TAFA1: variants seen among roughly 807,000 people sequenced by gnomAD.
The protein encoded by TAFA1 is chemokine-like protein TAFA-1.
TAFA1 carries 4 observed loss-of-function variants against 18.5 expected under a neutral mutation model. That is an observed-to-expected ratio of 0.22 (90% confidence interval 0.11 to 0.49). TAFA1 has a LOEUF of 0.49. Among genes scored for constraint, TAFA1 ranks in the 20% least tolerant of loss-of-function variants. TAFA1 has a pLI of 0.98. For synonymous variants in TAFA1, 56 were observed against 55.2 expected (o/e 1.01, Z -0.06); for missense variants, 147 against 169.0 (o/e 0.87, Z 0.72).
intron 2 of TAFA1, among the ~76,000 whole-genome samples, chr3:68,298,905 T>C (rs774694831): frequency 1.3e-5 from 2 of 152,126 alleles, no homozygotes; most frequent in Non-Finnish European, 2.9e-5. Flanking sequence ...ACCTAGGTAG[T>C]GGGGAAGTGC....
upstream of TAFA1, among the ~76,000 whole-genome samples, chr3:68,001,805 A>C (rs1358992074): frequency 2.0e-5 from 3 of 152,192 alleles, no homozygotes; most frequent in African/African-American, 7.2e-5. Context: ...CCTAAGTTGC[A>C]ATTGCTTAAA....
intron 2 of TAFA1, among the ~76,000 whole-genome samples, chr3:68,367,057 G>A (rs1234267559): frequency 6.6e-6 from 1 of 152,174 alleles, no homozygotes. Context: ...TCTTATTTAA[G>A]ATCATTATAA....
intron 3 of TAFA1, among the ~76,000 whole-genome samples, chr3:68,473,271 G>A (rs2072035085): frequency 6.6e-6 from 1 of 152,146 alleles, no homozygotes; most frequent in Non-Finnish European, 1.5e-5. Context: ...ATGAGGAATA[G>A]GATTCTAGGA....
At chr3:68,087,430 A>C (rs2064983553) in intron 2 of TAFA1, among the ~76,000 whole-genome samples, 1 of 152,170 alleles carries the variant, frequency 6.6e-6, no homozygotes, top group South Asian at 2.1e-4. Flanking sequence ...TTAACACAAA[A>C]ATATATAAAA....
At chr3:68,080,305 C>T (rs1160485387) in intron 2 of TAFA1, among the ~76,000 whole-genome samples, 1 of 152,016 alleles carries the variant, frequency 6.6e-6, no homozygotes, top group Admixed American at 6.6e-5. Context: ...AGCATTTAGT[C>T]CATTTACATT....
chr3:68,521,856 GTTTTTTTTTTTTT>G (rs57372768), intron 3 of TAFA1, among the ~76,000 whole-genome samples: 1 of 70,848 alleles, frequency 1.4e-5, no homozygotes, highest in Non-Finnish European at 2.4e-5. Flanking sequence ...GTTTTTTTCT[GTTTTTTTTTTTTT>G]TTTTTTTGGA....
intron 2 of TAFA1, among the ~76,000 whole-genome samples, chr3:68,218,407 A>T (rs6549062): frequency 0.69 from 104,407 of 151,914 alleles, 36,044 homozygotes; most frequent in Middle Eastern, 0.82. Context: ...ATTCTTATTC[A>T]TGATAATCCA....
At chr3:68,447,061 G>T (rs1157260885) in intron 3 of TAFA1, among the ~76,000 whole-genome samples, 1 of 152,128 alleles carries the variant, frequency 6.6e-6, no homozygotes, top group Non-Finnish European at 1.5e-5. Context: ...ATTTGGAAAA[G>T]ATATTTTTAA....
intron 2 of TAFA1, among the ~76,000 whole-genome samples, chr3:68,380,375 G>A (rs1015206325): frequency 6.6e-6 from 1 of 152,128 alleles, no homozygotes; most frequent in Non-Finnish European, 1.5e-5. Context: ...CTAGTTTACA[G>A]TCCCACCAAC....
In TAFA1 at chr3:68,087,295, A is replaced by G. The variant is rs2064982008; in HGVS notation, c.118+80551A>G. ...GTTTTTTGTTGGTGGTGGTAGTGAAAGAAGATAATTACTATCAATATTTTC... is the reference window on the plus strand; with the variant it reads ...GTTTTTTGTTGGTGGTGGTAGTGAAGGAAGATAATTACTATCAATATTTTC... On this transcript the variant is annotated intron_variant, in intron 2 of 4. Coordinates refer to ENST00000478136, the MANE Select transcript of TAFA1 (RefSeq NM_213609.4). Among the ~76,000 whole-genome samples, 3 of 152,182 alleles carry G rather than the reference A, an allele frequency of 2.0e-5. No individual in the cohort carries two copies. In the South Asian group the frequency reaches 6.2e-4, roughly 32 times the overall value.
chr3:68,025,769 G>T (rs1704801240), intron 2 of TAFA1, among the ~76,000 whole-genome samples: 1 of 152,130 alleles, frequency 6.6e-6, no homozygotes, highest in South Asian at 2.1e-4. Flanking sequence ...TATCTGCTCA[G>T]ATATCACCTC....
intron 3 of TAFA1, among the ~76,000 whole-genome samples, chr3:68,469,666 C>G (rs764202239): frequency 6.6e-6 from 1 of 152,158 alleles, no homozygotes; most frequent in Non-Finnish European, 1.5e-5. Context: ...GAGTGAGACT[C>G]TGTCTCAAAA....
At chr3:68,256,477 A>G (rs2067299372) in intron 2 of TAFA1, among the ~76,000 whole-genome samples, 1 of 152,276 alleles carries the variant, frequency 6.6e-6, no homozygotes, top group African/African-American at 2.4e-5. Flanking sequence ...CTATCTCCAC[A>G]TATTGTAGTA....
intron 2 of TAFA1, among the ~76,000 whole-genome samples, chr3:68,156,488 C>T (rs1310398026): frequency 6.6e-6 from 1 of 152,152 alleles, no homozygotes; most frequent in Admixed American, 6.5e-5. Flanking sequence ...TTTGCTAGGC[C>T]TCAGTTTCCT....
intron 2 of TAFA1, among the ~76,000 whole-genome samples, chr3:68,295,261 G>A (rs1013741912): frequency 1.3e-5 from 2 of 152,138 alleles, no homozygotes; most frequent in Non-Finnish European, 2.9e-5. Context: ...GAGGCAGAAG[G>A]AAATCATCTC....
intron 2 of TAFA1, among the ~76,000 whole-genome samples, chr3:68,135,870 G>A (rs1403696955): frequency 1.3e-5 from 2 of 152,112 alleles, no homozygotes; most frequent in South Asian, 2.1e-4. Context: ...CATATTTGGG[G>A]GGAGGTGAAT....
At chr3:68,282,087 G>T (rs890311443) in intron 2 of TAFA1, among the ~76,000 whole-genome samples, 9 of 152,122 alleles carry the variant, frequency 5.9e-5, no homozygotes, top group Admixed American at 3.3e-4. Flanking sequence ...AGGGAGAAAG[G>T]CCCCTTATGA....
At chr3:68,269,958 C>T (rs2067630969) in intron 2 of TAFA1, among the ~76,000 whole-genome samples, 1 of 152,028 alleles carries the variant, frequency 6.6e-6, no homozygotes. Flanking sequence ...TGTGGTCGAA[C>T]CTGTTACTCA....
intron 2 of TAFA1, among the ~76,000 whole-genome samples, chr3:68,104,440 C>T (rs1440718903): frequency 6.6e-6 from 1 of 151,652 alleles, no homozygotes; most frequent in Non-Finnish European, 1.5e-5. Flanking sequence ...TATTTGATTA[C>T]TTTTATTGTG....
Sources: gnomAD v4.1 joint callset for allele counts (sites outside exome capture counted in the v4.1 genomes callset) on GRCh38, gnomAD v4.1.1 for gene constraint, MANE v1.5 for transcripts, NCBI Gene and HGNC (gene_info 2026-07-23, HGNC 2026-07-21) for gene names.